The following ATL2 variants were observed in gnomAD, a reference collection of about 807,000 sequenced individuals.
The protein encoded by ATL2 is atlastin-2.
ATL2 carries 31 observed loss-of-function variants against 73.9 expected under a neutral mutation model. The ratio of observed to expected loss-of-function variants is 0.42; its 90% CI spans 0.32 to 0.57. The LOEUF (loss-of-function observed/expected upper bound fraction) is 0.57. ATL2 is among the 20% of genes least tolerant of loss of function. The pLI is 0.14. For missense variants in ATL2, 738 were observed against 702.6 expected, an observed-to-expected ratio of 1.05 and a Z score of -0.57; for synonymous variants, 291 against 237.5, an observed-to-expected ratio of 1.23 and a Z score of -2.07.
chr2:38,341,961 T>C (rs1018991557), intron 2 of ATL2, among the ~76,000 whole-genome samples: 1 of 152,234 alleles, frequency 6.6e-6, no homozygotes, highest in Non-Finnish European at 1.5e-5. Context: ...ATAATTCATG[T>C]GGCTTCTGAA....
intron 1 of ATL2, among the ~76,000 whole-genome samples, chr2:38,353,267 A>G (rs1233411437): frequency 6.6e-6 from 1 of 152,172 alleles, no homozygotes; most frequent in Non-Finnish European, 1.5e-5. Flanking sequence ...GAAACTATTA[A>G]AAAACAAATG....
chr2:38,327,211 T>C (rs1341547897), intron 2 of ATL2, among the ~76,000 whole-genome samples: 1 of 151,832 alleles, frequency 6.6e-6, no homozygotes, highest in Non-Finnish European at 1.5e-5. Context: ...CAAATCTACA[T>C]AAAGAGAAAG....
chr2:38,344,682 AC>A (rs1243892005), intron 1 of ATL2, among the ~76,000 whole-genome samples: 1 of 152,188 alleles, frequency 6.6e-6, no homozygotes, highest in East Asian at 1.9e-4. Flanking sequence ...TAGGGTTCTA[AC>A]AAGTTTCCAA....
intron 1 of ATL2, among the ~76,000 whole-genome samples, chr2:38,356,950 G>GT (rs954440397): frequency 2.6e-5 from 4 of 152,096 alleles, no homozygotes; most frequent in African/African-American, 4.8e-5. Flanking sequence ...TTTACGACAG[G>GT]TTTTTTAATT....
intron 11 of ATL2, among the ~76,000 whole-genome samples, chr2:38,298,892 A>T (rs534582236): frequency 6.6e-6 from 1 of 152,342 alleles, no homozygotes; most frequent in South Asian, 2.1e-4. Context: ...AACGGGTAAA[A>T]GATGATAATG....
chr2:38,338,971 T>G (rs1573522336), intron 2 of ATL2, among the ~76,000 whole-genome samples: 2 of 152,224 alleles, frequency 1.3e-5, no homozygotes, highest in African/African-American at 4.8e-5. Flanking sequence ...TACCAGCACT[T>G]TGGGAGGCTG....
At chr2:38,368,531 C>A (rs1671484285) in intron 1 of ATL2, among the ~76,000 whole-genome samples, 1 of 152,172 alleles carries the variant, frequency 6.6e-6, no homozygotes, top group Non-Finnish European at 1.5e-5. Context: ...GGATTACAGG[C>A]ATGAGCCACT....
intron 9 of ATL2, among the ~76,000 whole-genome samples, chr2:38,305,329 C>T (rs1216552507): frequency 6.6e-6 from 1 of 152,170 alleles, no homozygotes; most frequent in African/African-American, 2.4e-5. Flanking sequence ...AGGTGGACCA[C>T]TTGACGTCAG....
intron 1 of ATL2, among the ~76,000 whole-genome samples, chr2:38,375,816 G>A (rs1223704202): frequency 1.3e-5 from 2 of 152,194 alleles, no homozygotes; most frequent in African/African-American, 4.8e-5. Flanking sequence ...TGCTACCACT[G>A]TACAAACAGT....
chr2:38,367,609 A>ACC (rs1558459623), intron 1 of ATL2, among the ~76,000 whole-genome samples: 1 of 147,624 alleles, frequency 6.8e-6, no homozygotes, highest in Non-Finnish European at 1.5e-5. Flanking sequence ...AAAAAAAAAA[A>ACC]AAAAAAACCG....
chr2:38,329,098 C>G (rs1668830475), intron 2 of ATL2, among the ~76,000 whole-genome samples: 1 of 147,330 alleles, frequency 6.8e-6, no homozygotes, highest in South Asian at 2.2e-4. Flanking sequence ...CTACCAAACT[C>G]ACACAAGGAG....
At chr2:38,375,976 G>C in intron 1 of ATL2, 3 of 1,056,708 alleles carry the variant, frequency 2.8e-6, no homozygotes, top group South Asian at 3.5e-5. Context: ...TCCTATTAAA[G>C]TGAGTCCTTG....
chr2:38,350,324 C>A (rs1201874179), intron 1 of ATL2, among the ~76,000 whole-genome samples: 1 of 152,156 alleles, frequency 6.6e-6, no homozygotes, highest in Non-Finnish European at 1.5e-5. Flanking sequence ...AGATGATCAC[C>A]TGCTTCTCAA....
intron 2 of ATL2, among the ~76,000 whole-genome samples, 189 bp downstream of exon 2, chr2:38,343,079 T>C (rs926943685): frequency 2.1e-5 from 3 of 142,990 alleles, no homozygotes; most frequent in African/African-American, 8.0e-5. Context: ...GATTGGGAGG[T>C]TGAGGCTGCA....
Position 38,343,358 on chromosome 2 carries a change from A to G in ATL2, c.273T>C (p.Asp91=), listed in dbSNP as rs532465596. Residue 91 remains aspartate, a synonymous_variant, in exon 2 of 13, where the codon GAT becomes GAC. Transcript: ENST00000378954. ...CCACAGATACCACTACTATGTTAAG[A>G]TCTCGTATGTGCTCCTGTAGCAATA... The part of the protein sequence containing the change: ...EQILLQEHIR[D]LNIVVVSVAG... 1 of 1,611,542 alleles carries G rather than the reference A, an allele frequency of 6.2e-7. No individual in the cohort carries two copies. The highest frequency in any genetic ancestry group is 1.7e-5 in the Admixed American group (1 of 59,390).
chr2:38,309,253 A>C (rs533104388), intron 9 of ATL2, 126 bp downstream of exon 9: 1 of 941,478 alleles, frequency 1.1e-6, no homozygotes, highest in Non-Finnish European at 1.5e-6. Context: ...TCAAGGCAGA[A>C]AGATAAATCA....
intron 12 of ATL2, chr2:38,296,425 T>C: frequency 6.4e-7 from 1 of 1,552,400 alleles, no homozygotes. Flanking sequence ...GTCCTGCTTA[T>C]TGTCCTACAT....
At chr2:38,325,661 T>TACACACAC (rs562138786) in intron 2 of ATL2, among the ~76,000 whole-genome samples, 1 of 41,696 alleles carries the variant, frequency 2.4e-5, no homozygotes, top group South Asian at 1.6e-3. Flanking sequence ...CACACACCAG[T>TACACACAC]ACACACACAC....
chr2:38,326,229 T>C (rs536492500), intron 2 of ATL2, among the ~76,000 whole-genome samples: 2 of 152,336 alleles, frequency 1.3e-5, no homozygotes, highest in African/African-American at 2.4e-5. Context: ...TCAATAAAAG[T>C]TCTTGGGAAA....
Sources: gnomAD v4.1 joint callset for allele counts (sites outside exome capture counted in the v4.1 genomes callset) on GRCh38, gnomAD v4.1.1 for gene constraint, MANE v1.5 for transcripts, NCBI Gene and HGNC (gene_info 2026-07-23, HGNC 2026-07-21) for gene names.